C8B: variants seen among roughly 807,000 people sequenced by gnomAD.
C8B encodes complement C8 beta chain.
A neutral mutation model predicts 64.6 loss-of-function variants in C8B; 67 were observed. The observed-to-expected ratio is 1.04, with a 90% CI of 0.85 to 1.27. The LOEUF is 1.27. Among genes scored for constraint, C8B ranks in the 50% most tolerant of loss-of-function variants. The pLI, the probability that C8B is intolerant of heterozygous loss-of-function variation, is 0.00. For synonymous variants in C8B, 284 were observed against 257.7 expected, an observed-to-expected ratio of 1.10 and a Z score of -0.98; for missense variants, 790 against 725.2, an observed-to-expected ratio of 1.09 and a Z score of -1.03.
chr1:56,953,335 A>G (rs1388546460), intron 4 of C8B, among the ~76,000 whole-genome samples: 1 of 152,230 alleles, frequency 6.6e-6, no homozygotes, highest in African/African-American at 2.4e-5. Context: ...AATAATGTAT[A>G]CATATTTATT....
intron 1 of C8B, among the ~76,000 whole-genome samples, chr1:56,960,717 T>G (rs1385737694): frequency 2.0e-5 from 3 of 152,142 alleles, no homozygotes; most frequent in Admixed American, 2.0e-4. Flanking sequence ...TCATGTGGAA[T>G]GGATAGAAAG....
In C8B at chr1:56,952,123, T is replaced by C. The variant is rs1487143982; in HGVS notation, c.591A>G (p.Ala197=). ...EGPVLDHRYY[A]GGCSPHYILN... ...GGATGTAATGCGGGGAGCATCCACCTGCATAATACCTGTGATCAAGAACTG... is the reference window on the plus strand; with the variant it reads ...GGATGTAATGCGGGGAGCATCCACCCGCATAATACCTGTGATCAAGAACTG... Residue 197 remains alanine, a synonymous_variant, in exon 5 of 12, where the codon GCA becomes GCG. Coordinates refer to ENST00000371237, the MANE Select transcript of C8B (RefSeq NM_000066.4). 1.9e-6 allele frequency: 3 copies of C among 1,614,154 alleles called. No individual in the cohort carries two copies. The highest frequency in any genetic ancestry group is 1.7e-6 in the Non-Finnish European group (2 of 1,179,984).
At chr1:56,953,240 T>C (rs1645051996) in intron 4 of C8B, among the ~76,000 whole-genome samples, 2 of 152,242 alleles carry the variant, frequency 1.3e-5, no homozygotes, top group African/African-American at 4.8e-5. Flanking sequence ...CTCTGTCTCC[T>C]ATCAGCTTCC....
intron 9 of C8B, among the ~76,000 whole-genome samples, chr1:56,938,464 C>T (rs536594627): frequency 3.3e-5 from 5 of 152,206 alleles, no homozygotes; most frequent in Non-Finnish European, 5.9e-5. Flanking sequence ...ATGATAATCA[C>T]AGAAAATGTA....
chr1:56,965,744 T>C (rs1645246333), intron 1 of C8B, 113 bp downstream of exon 1: 1 of 1,171,834 alleles, frequency 8.5e-7, no homozygotes, highest in Non-Finnish European at 1.3e-6. Context: ...GCAAATTGCC[T>C]TAAGAGACGT....
intron 9 of C8B, among the ~76,000 whole-genome samples, chr1:56,934,059 T>C (rs1274098309): frequency 6.6e-6 from 1 of 152,092 alleles, no homozygotes; most frequent in African/African-American, 2.4e-5. Flanking sequence ...CTTCCCTCCA[T>C]TAATCACTCA....
intron 2 of C8B, among the ~76,000 whole-genome samples, chr1:56,959,001 G>A (rs1417331405): frequency 6.6e-6 from 1 of 152,224 alleles, no homozygotes; most frequent in African/African-American, 2.4e-5. Flanking sequence ...TGACCAAGGA[G>A]GCTGAATGAC....
At chr1:56,965,394 A>AGTGT (rs1408495707) in intron 1 of C8B, among the ~76,000 whole-genome samples, 35 of 87,626 alleles carry the variant, frequency 4.0e-4, no homozygotes, top group South Asian at 9.3e-4. Flanking sequence ...AGAGAGAGAG[A>AGTGT]GAGAGTGTGT....
rs56761445 is a variant in C8B at position 56,965,398 on chromosome 1, AGTGTGT to A, written c.92+453_92+458del. On this transcript the variant is annotated intron_variant, in intron 1 of 11. Transcript: ENST00000371237. ...GGGGGTGAGAGAGAGAGAGAGAGAG[AGTGTGT>A]GTGTGTGTGTGTGTGTGTGTAAGAA... 4.2e-5 allele frequency among the ~76,000 whole-genome samples: 6 copies of A among 142,680 alleles called. No individual in the cohort carries two copies. In the East Asian group the frequency reaches 6.3e-4, roughly 15 times the overall value. 93.6% of individuals were successfully genotyped at this position (142,680 alleles called of 152,430 possible).
At chr1:56,952,441 C>A (rs1477090153) in intron 4 of C8B, among the ~76,000 whole-genome samples, 1 of 152,156 alleles carries the variant, frequency 6.6e-6, no homozygotes, top group Non-Finnish European at 1.5e-5. Flanking sequence ...TCCCTGCGCC[C>A]AGAATGCCCT....
intron 2 of C8B, among the ~76,000 whole-genome samples, chr1:56,959,187 C>T (rs577319267): frequency 5.9e-5 from 9 of 152,218 alleles, no homozygotes; most frequent in Non-Finnish European, 8.8e-5. Flanking sequence ...ACATTGCCTT[C>T]CCTGTAGAGA....
intron 4 of C8B, 96 bp downstream of exon 4, chr1:56,954,590 G>A: frequency 6.7e-7 from 1 of 1,493,542 alleles, no homozygotes; most frequent in Non-Finnish European, 9.3e-7. Context: ...GGTGAGTGAG[G>A]ACCTCTGTTT....
chr1:56,938,894 A>T (rs1644810661), intron 9 of C8B, among the ~76,000 whole-genome samples: 1 of 151,934 alleles, frequency 6.6e-6, no homozygotes, highest in Non-Finnish European at 1.5e-5. Flanking sequence ...CTTGCCAGAA[A>T]AAAAAAATGC....
In C8B at chr1:56,955,207, C is replaced by T. The variant is rs181640464; in HGVS notation, c.392-380G>A. On this transcript the variant is annotated intron_variant, in intron 3 of 11. Transcript: ENST00000371237. ...AAATAGGAAAGTAAAATACCTATCC[C>T]ATAAGGTTGTTCGAAGTTTAAATGA... 7.2e-5 allele frequency among the ~76,000 whole-genome samples: 11 copies of T among 152,278 alleles called. No homozygotes were observed. The East Asian group carries it at 1.7e-3, about 24-fold the overall frequency.
At position 56,933,475 on chromosome 1, in the gene C8B, T is replaced by G; in HGVS notation, c.1412A>C (p.Tyr471Ser). The G allele has an allele frequency of 6.2e-7, 1 of 1,613,786 alleles. No individual in the cohort carries two copies. The highest frequency in any genetic ancestry group is 8.5e-7 in the Non-Finnish European group (1 of 1,179,740). Residue 471 changes from tyrosine to serine, a missense_variant, in exon 10 of 12, where the codon TAT becomes TCT. Coordinates refer to ENST00000371237, the MANE Select transcript of C8B (RefSeq NM_000066.4). ...AAAATCTGTGGCTGTCACTAGTTCA[T>G]ACAGAGGCTCCACCTGGAAAGGGAA... ...AIIKVKVEPLYELVTATDFAY... is the reference protein window; with the variant it reads ...AIIKVKVEPLSELVTATDFAY...
At chr1:56,940,040 C>A (rs1644828188) in intron 9 of C8B, among the ~76,000 whole-genome samples, 1 of 151,698 alleles carries the variant, frequency 6.6e-6, no homozygotes. Context: ...GTGTATCTTA[C>A]TGTTCCTCGT....
Position 56,956,756 on chromosome 1 carries a change from C to T in C8B, c.391+13G>A. ...TTCAGGCTTTCCCCTCTTACTCCTA[C>T]ATTGATTTATACCTGTCTGTGCACA... On this transcript the variant is annotated intron_variant, in intron 3 of 11. Transcript: ENST00000371237. The T allele has an allele frequency of 6.2e-7, 1 of 1,613,758 alleles. No individual in the cohort carries two copies. Among genetic ancestry groups the T allele is most frequent in the South Asian group, 1.1e-5 (1 of 91,086 alleles).
chr1:56,962,429 T>C (rs1570409280), intron 1 of C8B, among the ~76,000 whole-genome samples: 1 of 152,338 alleles, frequency 6.6e-6, no homozygotes, highest in South Asian at 2.1e-4. Flanking sequence ...AGGAGCCACA[T>C]AAATTCTAGG....
chr1:56,933,834 C>T (rs1247106327), intron 9 of C8B, among the ~76,000 whole-genome samples: 1 of 152,182 alleles, frequency 6.6e-6, no homozygotes, highest in Non-Finnish European at 1.5e-5. Context: ...CAGGCACCAG[C>T]AGAAACTTGT....
Sources: allele counts gnomAD v4.1 joint callset (sites outside exome capture counted in the v4.1 genomes callset), GRCh38; gene constraint gnomAD v4.1.1; transcripts MANE v1.5; gene names NCBI Gene and HGNC (gene_info 2026-07-23, HGNC 2026-07-21).